Variants in PIK3R5 observed in about 807,000 individuals in gnomAD.
The protein encoded by PIK3R5 is phosphoinositide-3-kinase regulatory subunit 5, also known as phosphoinositide 3-kinase regulatory subunit 5.
A neutral mutation model predicts 94.9 loss-of-function variants in PIK3R5; 32 were observed. The observed-to-expected ratio is 0.34, with a 90% CI of 0.25 to 0.45. The LOEUF is 0.45. PIK3R5 is among the 20% of genes least tolerant of loss of function. The pLI, the probability that PIK3R5 is intolerant of heterozygous loss-of-function variation, is 1.00. For synonymous variants in PIK3R5, 443 were observed against 479.4 expected (o/e 0.92, Z 0.99); for missense variants, 853 against 1,144.6 (o/e 0.75, Z 3.68).
At chr17:8,891,894 G>A (rs547103908) in intron 6 of PIK3R5, among the ~76,000 whole-genome samples, 3 of 152,092 alleles carry the variant, frequency 2.0e-5, no homozygotes, top group Admixed American at 6.5e-5. Flanking sequence ...GTGAGCCACC[G>A]CGCCCGGCTA....
At chr17:8,883,612 G>A (rs1274538771) in intron 15 of PIK3R5, among the ~76,000 whole-genome samples, 1 of 152,168 alleles carries the variant, frequency 6.6e-6, no homozygotes, top group Non-Finnish European at 1.5e-5. Flanking sequence ...ATTAATTCCT[G>A]GTTTTCCCTC....
chr17:8,924,249 T>C (rs530093917), intron 1 of PIK3R5, among the ~76,000 whole-genome samples: 1 of 150,470 alleles, frequency 6.6e-6, no homozygotes, highest in African/African-American at 2.4e-5. Flanking sequence ...TGGCTAATTT[T>C]TTTTTTTTTT....
rs930420333 is a variant in PIK3R5, at chr17:8,896,548, C to A, written c.413-2893G>T. On this transcript the variant is annotated intron_variant, in intron 5 of 18. Transcript: ENST00000447110. This position sits in a 1 kb window ranked among gnomAD's most constrained non-coding sequence, Gnocchi z 4.0. ...ACAGGCGAAGAACGGGGTGAGTGGG[C>A]AGAACACACTCATAGTGAAGTTCAA... Among the ~76,000 whole-genome samples the A allele has an allele frequency of 2.0e-5, 3 of 152,124 alleles. No homozygotes were observed. The highest frequency in any genetic ancestry group is 4.4e-5 in the Non-Finnish European group (3 of 68,020).
At chr17:8,921,706 C>T (rs1048445777) in intron 1 of PIK3R5, among the ~76,000 whole-genome samples, 2 of 151,750 alleles carry the variant, frequency 1.3e-5, no homozygotes, top group Admixed American at 6.6e-5. Flanking sequence ...GTTTGAGGGA[C>T]ACGAAAAAGC....
chr17:8,894,020 A>C (rs978235525), intron 5 of PIK3R5: 13 of 183,378 alleles, frequency 7.1e-5, no homozygotes, highest in Non-Finnish European at 9.3e-5. Flanking sequence ...GGAGAGAAAG[A>C]GATCCAGGGT....
In PIK3R5 at chr17:8,889,833, G is replaced by C; in HGVS notation, c.811+140C>G. The C allele has an allele frequency of 2.5e-6, 2 of 808,694 alleles. No individual in the cohort carries two copies. The highest frequency in any genetic ancestry group is 1.6e-5 in the South Asian group (1 of 61,870). 50.1% of individuals were successfully genotyped at this position (808,694 alleles called of 1,614,324 possible). On this transcript the variant is annotated intron_variant, in intron 8 of 18. Transcript: ENST00000447110. This position sits in a 1 kb window ranked among gnomAD's most constrained non-coding sequence, Gnocchi z 4.1. ...GAATGAGACACCCTAGGGGATGGCA[G>C]AGCAGTGAGATGCTGAAGAAGCTGA... is the stretch of plus-strand genomic sequence containing the variant.
rs147635088 is a variant in PIK3R5, at chr17:8,935,966, A to G, written c.-13-24459T>C. Among the ~76,000 whole-genome samples, 1,466 of 151,570 alleles carry G rather than the reference A, an allele frequency of 9.7e-3. 21 individuals are homozygous for G. Among genetic ancestry groups the G allele is most frequent in the African/African-American group, 0.033 (1,378 of 41,288 alleles). The stretch of plus-strand genomic sequence containing the variant: ...CTACTCGGGAGGCTGAGGCAGGAGA[A>G]TGGCGTGAACCCGGGAGGCGGAGAT... On this transcript the variant is annotated intron_variant, in intron 1 of 18. Coordinates refer to ENST00000447110, the MANE Select transcript of PIK3R5 (RefSeq NM_001142633.3). This position sits in a 1 kb window ranked among gnomAD's most constrained non-coding sequence, Gnocchi z 4.5.
chr17:8,962,014 C>T (rs2091575442), intron 1 of PIK3R5, among the ~76,000 whole-genome samples: 1 of 152,188 alleles, frequency 6.6e-6, no homozygotes, highest in Admixed American at 6.5e-5. Flanking sequence ...ATTCATGCCC[C>T]CAAATTGTGT....
intron 1 of PIK3R5, among the ~76,000 whole-genome samples, chr17:8,938,362 T>C (rs1412642391): frequency 6.6e-6 from 1 of 152,206 alleles, no homozygotes; most frequent in Non-Finnish European, 1.5e-5. Context: ...TTGGCAGTGA[T>C]TTTTACTTTT....
At chr17:8,891,924 T>C (rs2090035406) in intron 6 of PIK3R5, among the ~76,000 whole-genome samples, 2 of 152,008 alleles carry the variant, frequency 1.3e-5, no homozygotes, top group Non-Finnish European at 2.9e-5. Flanking sequence ...CTTTCAAACA[T>C]ACCCCAAATT....
At chr17:8,941,930 G>A (rs1405005319) in intron 1 of PIK3R5, among the ~76,000 whole-genome samples, 1 of 152,230 alleles carries the variant, frequency 6.6e-6, no homozygotes, top group East Asian at 1.9e-4. Context: ...CCTTCGGGAG[G>A]ATTTACATGT....
intron 3 of PIK3R5, among the ~76,000 whole-genome samples, chr17:8,908,657 A>C (rs969731097): frequency 1.3e-5 from 2 of 152,024 alleles, no homozygotes; most frequent in Non-Finnish European, 2.9e-5. Flanking sequence ...CCAGCTCAGC[A>C]CTAAACCCAT....
intron 1 of PIK3R5, among the ~76,000 whole-genome samples, chr17:8,952,629 T>C (rs184370550): frequency 1.5e-4 from 23 of 152,350 alleles, no homozygotes; most frequent in East Asian, 1.2e-3. Flanking sequence ...GAGAGTAATA[T>C]TTTTATAAAT....
chr17:8,904,975 C>G lies in PIK3R5; in HGVS notation c.274-60G>C. On this transcript the variant is annotated intron_variant, in intron 4 of 18. Coordinates refer to ENST00000447110, the MANE Select transcript of PIK3R5 (RefSeq NM_001142633.3). This position sits in a 1 kb window ranked among gnomAD's most constrained non-coding sequence, Gnocchi z 5.1. ...AGGTGAGAAAAGGCTCAGATAGTCC[C>G]AGACAGCTTCTGCTCCCTTTCTGGA... is the stretch of plus-strand genomic sequence containing the variant. 1 of 1,538,864 alleles carries G rather than the reference C, an allele frequency of 6.5e-7. No individual in the cohort carries two copies. Among genetic ancestry groups the G allele is most frequent in the South Asian group, 1.1e-5 (1 of 89,046 alleles).
rs554464052 is a variant in PIK3R5 at position 8,884,842 on chromosome 17, G to A, written c.2129-59C>T. The stretch of plus-strand genomic sequence containing the variant: ...CTGGCTTCCCCGGCTCCTCACGAAC[G>A]CAGTGGCCTTGCCTCCCTGGGCCTT... On this transcript the variant is annotated intron_variant, in intron 14 of 18. Coordinates refer to ENST00000447110, the MANE Select transcript of PIK3R5 (RefSeq NM_001142633.3). The surrounding 1 kb of genome is among the most constrained non-coding windows in gnomAD (Gnocchi z 5.8). 2.2e-5 allele frequency: 32 copies of A among 1,480,026 alleles called. No individual in the cohort carries two copies. The Admixed American group carries it at 3.0e-4, about 14-fold the overall frequency. 91.7% of individuals were successfully genotyped at this position (1,480,026 alleles called of 1,614,324 possible). A position where few individuals can be genotyped will look rare whatever the true frequency, so the allele number is the denominator to read the frequency against.
rs1346346822 is a variant in PIK3R5 at position 8,904,761 on chromosome 17, C to T, written c.412+16G>A. 1.2e-6 allele frequency: 2 copies of T among 1,612,978 alleles called. No individual in the cohort carries two copies. The highest frequency in any genetic ancestry group is 2.2e-5 in the East Asian group (1 of 44,856). ...TTCTGAGCCCTGTCCCCCGTGCCAG[C>T]TGCCTCAGTGCTTACCTGGGGCCTT... is the stretch of plus-strand genomic sequence containing the variant. On this transcript the variant is annotated intron_variant, in intron 5 of 18. Transcript: ENST00000447110. This position sits in a 1 kb window ranked among gnomAD's most constrained non-coding sequence, Gnocchi z 5.1.
At chr17:8,906,552 T>C (rs1354981150) in intron 3 of PIK3R5, among the ~76,000 whole-genome samples, 2 of 152,252 alleles carry the variant, frequency 1.3e-5, no homozygotes, top group South Asian at 2.1e-4. Flanking sequence ...TATTCATATA[T>C]ACTTTCTTAT....
chr17:8,911,358 C>G lies in PIK3R5; in HGVS notation c.103+34G>C. Reference sequence around the variant, plus strand: ...CCGTGGCCCCTGAGGCTTCCTTGAGCCCTCAAACACCTCCCCGGCTCCCTT... The same window carrying G: ...CCGTGGCCCCTGAGGCTTCCTTGAGGCCTCAAACACCTCCCCGGCTCCCTT... On this transcript the variant is annotated intron_variant, in intron 2 of 18. Transcript: ENST00000447110. This position sits in a 1 kb window ranked among gnomAD's most constrained non-coding sequence, Gnocchi z 5.3. The G allele has an allele frequency of 1.3e-6, 2 of 1,539,886 alleles. No individual in the cohort carries two copies. The highest frequency in any genetic ancestry group is 2.2e-5 in the South Asian group (2 of 89,816).
chr17:8,886,998 G>C, intron 12 of PIK3R5, 98 bp downstream of exon 12: 1 of 1,406,026 alleles, frequency 7.1e-7, no homozygotes, highest in South Asian at 1.3e-5. Context: ...GGTCCTCCAT[G>C]GGGGCCTCAA....
Sources: allele counts gnomAD v4.1 joint callset (sites outside exome capture counted in the v4.1 genomes callset), GRCh38; gene constraint gnomAD v4.1.1; non-coding constraint Gnocchi (gnomAD v3.1); transcripts MANE v1.5; gene names NCBI Gene and HGNC (gene_info 2026-07-23, HGNC 2026-07-21).